The following GNAI1 variants were observed in gnomAD, a reference collection of about 807,000 sequenced individuals.
GNAI1 encodes G protein subunit alpha i1.
A neutral mutation model predicts 38.9 loss-of-function variants in GNAI1; 11 were observed. The observed-to-expected ratio is 0.28, with a 90% CI of 0.18 to 0.47. The LOEUF is 0.47. Ranked by LOEUF, GNAI1 falls within the 20% of genes least tolerant of loss-of-function variation. The pLI is 0.99. For synonymous variants in GNAI1, 166 were observed against 145.1 expected (o/e 1.14, Z -1.04); for missense variants, 317 against 436.9 (o/e 0.73, Z 2.45).
At position 80,222,485 on chromosome 7, in the gene GNAI1, A is replaced by T. The variant is rs10257819; in HGVS notation, c.*4992A>T. Reference sequence around the variant, plus strand: ...TCACCGCAACATCCGCCTCCCGGGTACAAGCAATTCTCCTGCCTCAGGTTC... The same window carrying T: ...TCACCGCAACATCCGCCTCCCGGGTTCAAGCAATTCTCCTGCCTCAGGTTC... On this transcript the variant is annotated 3_prime_UTR_variant, in exon 8 of 8. Coordinates refer to ENST00000649796, the MANE Select transcript of GNAI1 (RefSeq NM_002069.6). 0.91 allele frequency among the ~76,000 whole-genome samples: 137,054 copies of T among 150,920 alleles called. 62,499 individuals carry two copies. The highest frequency in any genetic ancestry group is 1 in the East Asian group (5,114 of 5,124).
At chr7:80,204,371 C>G (rs1788737525) in intron 5 of GNAI1, among the ~76,000 whole-genome samples, 1 of 152,024 alleles carries the variant, frequency 6.6e-6, no homozygotes, top group African/African-American at 2.4e-5. Context: ...GAGGTCGGAG[C>G]AGAAAAGCAC....
rs757309125 is a variant in GNAI1 at position 80,224,429 on chromosome 7, TA to T, written c.*6937del. On this transcript the variant is annotated 3_prime_UTR_variant, in exon 8 of 8. Transcript: ENST00000649796. ...ATCTTCAAAATCCAGTGTCATTTCTTAGCCATATCTTCAAAATCCAGTGTCA... is the reference window on the plus strand; with the variant it reads ...ATCTTCAAAATCCAGTGTCATTTCTTGCCATATCTTCAAAATCCAGTGTCA... Among the ~76,000 whole-genome samples, 35 of 152,222 alleles carry T rather than the reference TA, an allele frequency of 2.3e-4. No homozygotes were observed. The highest frequency in any genetic ancestry group is 3.9e-4 in the Admixed American group (6 of 15,282).
chr7:80,222,676 C>T lies in GNAI1; in HGVS notation c.*5183C>T, dbSNP rs147448354. Among the ~76,000 whole-genome samples, 7 of 152,032 alleles carry T rather than the reference C, an allele frequency of 4.6e-5. No individual in the cohort carries two copies. Among genetic ancestry groups the T allele is most frequent in the African/African-American group, 1.2e-4 (5 of 41,476 alleles). ...TGCTGGGATTACAGGTGTGAGCCAC[C>T]GCACCTGGCCAAAATATTTTTAATT... On this transcript the variant is annotated 3_prime_UTR_variant, in exon 8 of 8. Coordinates refer to ENST00000649796, the MANE Select transcript of GNAI1 (RefSeq NM_002069.6).
At chr7:80,144,123 A>G (rs1584003869) in intron 1 of GNAI1, among the ~76,000 whole-genome samples, 1 of 152,174 alleles carries the variant, frequency 6.6e-6, no homozygotes, top group South Asian at 2.1e-4. Flanking sequence ...AGAATTCTAT[A>G]GAGAATGCAC....
chr7:80,191,677 C>A (rs1332251488), intron 3 of GNAI1, among the ~76,000 whole-genome samples: 1 of 152,146 alleles, frequency 6.6e-6, no homozygotes, highest in Non-Finnish European at 1.5e-5. Context: ...CAAGCGTGAG[C>A]CACCACGCCA....
chr7:80,165,810 A>G (rs1424771890), intron 1 of GNAI1, among the ~76,000 whole-genome samples: 1 of 152,204 alleles, frequency 6.6e-6, no homozygotes, highest in Non-Finnish European at 1.5e-5. Flanking sequence ...TTGGAAATAA[A>G]TCATAGATAA....
At chr7:80,147,366 A>G (rs1787642037) in intron 1 of GNAI1, among the ~76,000 whole-genome samples, 1 of 127,120 alleles carries the variant, frequency 7.9e-6, no homozygotes, top group Non-Finnish European at 1.8e-5. Flanking sequence ...TGAGATTGGT[A>G]TCCTTATTAA....
intron 5 of GNAI1, among the ~76,000 whole-genome samples, chr7:80,210,434 T>A (rs1788853028): frequency 6.6e-6 from 1 of 152,206 alleles, no homozygotes; most frequent in Non-Finnish European, 1.5e-5. Context: ...TTCATTTGCT[T>A]GCCCTACATT....
Position 80,217,443 on chromosome 7 carries a change from G to C in GNAI1, c.1015G>C (p.Val339Leu), listed in dbSNP as rs773328998. 1 of 1,608,242 alleles carries C rather than the reference G, an allele frequency of 6.2e-7. No individual in the cohort carries two copies. The highest frequency in any genetic ancestry group is 1.1e-5 in the South Asian group (1 of 89,746). ...TKNVQFVFDA[V>L]TDVIIKNNLK... ...GAATGTGCAGTTTGTTTTTGATGCT[G>C]TAACAGATGTCATCATAAAAAATAA... The change falls in exon 8 of 8, where the codon GTA (valine) becomes CTA (leucine). Residue 339 changes from valine (V) to leucine (L), a missense_variant. By Grantham distance (32) the Val-to-Leu change is conservative. Around this residue, in one of 5 missense-constraint regions of GNAI1, gnomAD observed 15 missense variants for 36.6 expected, o/e 0.41. Transcript: ENST00000649796.
chr7:80,201,405 A>G (rs1460023896), intron 4 of GNAI1, among the ~76,000 whole-genome samples: 1 of 152,130 alleles, frequency 6.6e-6, no homozygotes, highest in Non-Finnish European at 1.5e-5. Flanking sequence ...TCCTGTGCAC[A>G]CTACTTGGAC....
In GNAI1 at chr7:80,222,382, A is replaced by ATTTTTTTTTTTTTTTTTTTTTTTTT. The variant is rs67345654; in HGVS notation, c.*4908_*4909insTTTTTTTTTTTTTTTTTTTTTTTTT. On this transcript the variant is annotated 3_prime_UTR_variant, in exon 8 of 8. Coordinates refer to ENST00000649796, the MANE Select transcript of GNAI1 (RefSeq NM_002069.6). ...TGAAGGAGCTAGTTCTTCAAATTTA[A>ATTTTTTTTTTTTTTTTTTTTTTTTT]TTTTTTTTTTTTTTTTTTTCCTGAG... Among the ~76,000 whole-genome samples the ATTTTTTTTTTTTTTTTTTTTTTTTT allele has an allele frequency of 7.8e-6, 1 of 127,874 alleles. No individual in the cohort carries two copies. The allele number at this position is 127,874 out of a possible 152,430, so 83.9% of individuals were successfully genotyped here. A position where few individuals can be genotyped will look rare whatever the true frequency, so the allele number is the denominator to read the frequency against.
At chr7:80,160,511 A>G (rs183336331) in intron 1 of GNAI1, among the ~76,000 whole-genome samples, 2 of 152,246 alleles carry the variant, frequency 1.3e-5, no homozygotes, top group South Asian at 2.1e-4. Flanking sequence ...GTATAGGTCA[A>G]AGTTTGGGAA....
chr7:80,223,456 A>G lies in GNAI1; in HGVS notation c.*5963A>G, dbSNP rs1249175509. 6.6e-6 allele frequency among the ~76,000 whole-genome samples: 1 copy of G among 152,172 alleles called. No individual in the cohort carries two copies. Among genetic ancestry groups the G allele is most frequent in the African/African-American group, 2.4e-5 (1 of 41,448 alleles). On this transcript the variant is annotated 3_prime_UTR_variant, in exon 8 of 8. Transcript: ENST00000649796. ...TGGATTTTCTGTTGTGCACTCTTGA[A>G]TTTTAATTATGTTCTGTGGAAACTT...
chr7:80,187,693 C>T (rs1005458652), intron 1 of GNAI1, among the ~76,000 whole-genome samples: 2 of 152,030 alleles, frequency 1.3e-5, no homozygotes, highest in East Asian at 1.9e-4. Context: ...ATCCTGGGCC[C>T]GGTGTCTCAA....
rs1789005546 is a variant in GNAI1, at chr7:80,218,138, A to G, written c.*645A>G. 1.3e-5 allele frequency: 2 copies of G among 152,338 alleles called. No homozygotes were observed. The highest frequency in any genetic ancestry group is 4.8e-5 in the African/African-American group (2 of 41,458). 9.4% of individuals were successfully genotyped at this position (152,338 alleles called of 1,614,324 possible). A position where few individuals can be genotyped will look rare whatever the true frequency, so the allele number is the denominator to read the frequency against. ...GAATACACCTGCCTTTGGATCAACT[A>G]TTTAAACATTGTATGCATTTTGATT... On this transcript the variant is annotated 3_prime_UTR_variant, in exon 8 of 8. Coordinates refer to ENST00000649796, the MANE Select transcript of GNAI1 (RefSeq NM_002069.6).
At chr7:80,205,959 A>G (rs767646815) in intron 5 of GNAI1, among the ~76,000 whole-genome samples, 3 of 151,498 alleles carry the variant, frequency 2.0e-5, no homozygotes, top group Non-Finnish European at 4.4e-5. Context: ...CGTGATGATA[A>G]AGCAGAATTT....
chr7:80,211,393 T>C, intron 6 of GNAI1, among the ~76,000 whole-genome samples: 1 of 152,112 alleles, frequency 6.6e-6, no homozygotes, highest in East Asian at 1.9e-4. Flanking sequence ...TTTTCTTAAT[T>C]TGTTACTTCT....
chr7:80,172,922 G>A (rs1788121751), intron 1 of GNAI1, among the ~76,000 whole-genome samples: 1 of 152,214 alleles, frequency 6.6e-6, no homozygotes, highest in African/African-American at 2.4e-5. Context: ...GGTTTATGGA[G>A]TGTGACAGAG....
intron 1 of GNAI1, among the ~76,000 whole-genome samples, chr7:80,144,409 G>A (rs1180815766): frequency 6.6e-6 from 1 of 152,036 alleles, no homozygotes; most frequent in Non-Finnish European, 1.5e-5. Flanking sequence ...GGATTATAAC[G>A]GATTTACTTT....
Sources: gnomAD v4.1 joint callset for allele counts (sites outside exome capture counted in the v4.1 genomes callset) on GRCh38, gnomAD v4.1.1 for gene constraint, gnomAD v4.1.1 regional missense constraint, MANE v1.5 for transcripts, NCBI Gene and HGNC (gene_info 2026-07-23, HGNC 2026-07-21) for gene names.